The following CNTN5 variants were observed in gnomAD, a reference collection of about 807,000 sequenced individuals.
The protein encoded by CNTN5 is contactin 5, also known as contactin-5.
CNTN5 carries 77 observed loss-of-function variants against 129.1 expected under a neutral mutation model. The ratio of observed to expected loss-of-function variants is 0.60; its 90% confidence interval spans 0.50 to 0.72. CNTN5 has a LOEUF of 0.72. CNTN5 is among the 30% of genes least tolerant of loss of function. The pLI, the probability that CNTN5 is intolerant of heterozygous loss-of-function variation, is 0.00. For synonymous variants in CNTN5, 509 were observed against 465.6 expected, an observed-to-expected ratio of 1.09 and a Z score of -1.20; for missense variants, 1,478 against 1,328.8, an observed-to-expected ratio of 1.11 and a Z score of -1.75.
At chr11:99,520,559 G>C (rs1482121246) in intron 2 of CNTN5, among the ~76,000 whole-genome samples, 1 of 152,082 alleles carries the variant, frequency 6.6e-6, no homozygotes, top group Non-Finnish European at 1.5e-5. Flanking sequence ...AAACCTTTCA[G>C]AGTATCTTGT....
At chr11:100,348,150 A>C (rs1377927762) in intron 23 of CNTN5, among the ~76,000 whole-genome samples, 1 of 152,002 alleles carries the variant, frequency 6.6e-6, no homozygotes, top group East Asian at 1.9e-4. Context: ...CAATCTATAA[A>C]TGTCCATATT....
intron 3 of CNTN5, among the ~76,000 whole-genome samples, chr11:99,648,782 T>C (rs1952055109): frequency 6.6e-6 from 1 of 151,808 alleles, no homozygotes; most frequent in African/African-American, 2.4e-5. Context: ...TAGAGGATAT[T>C]ATGCTAAGTA....
rs550407987 is a variant in CNTN5 at position 99,091,573 on chromosome 11, G to T, written c.-210+70303G>T. 5.3e-5 allele frequency among the ~76,000 whole-genome samples: 8 copies of T among 152,316 alleles called. No individual in the cohort carries two copies. In the South Asian group the frequency reaches 1.7e-3, roughly 32 times the overall value. On this transcript the variant is annotated intron_variant, in intron 1 of 24. Transcript: ENST00000524871. ...TGGGAGGAGCTGGAATCATAGTGAG[G>T]CTGCTTTGTGAGAGCTGAGCCCACC...
intron 6 of CNTN5, among the ~76,000 whole-genome samples, chr11:99,902,758 C>T (rs1250066406): frequency 6.6e-6 from 1 of 151,976 alleles, no homozygotes; most frequent in Non-Finnish European, 1.5e-5. Flanking sequence ...AAACTGAATC[C>T]TTCCTTAAAC....
chr11:100,039,902 C>T (rs1341609376), intron 9 of CNTN5, among the ~76,000 whole-genome samples: 5 of 152,104 alleles, frequency 3.3e-5, no homozygotes, highest in Non-Finnish European at 7.4e-5. Flanking sequence ...AACTTCTTTG[C>T]CATTGGTTCG....
At chr11:100,241,669 A>T (rs899295754) in intron 16 of CNTN5, among the ~76,000 whole-genome samples, 1 of 152,198 alleles carries the variant, frequency 6.6e-6, no homozygotes, top group Admixed American at 6.5e-5. Context: ...ATCAGGATCA[A>T]TGTCATTAAA....
At chr11:99,789,806 ATGCGCAGGTTTGTTACATGGTTATAT>A (rs1334814611) in intron 3 of CNTN5, among the ~76,000 whole-genome samples, 1 of 151,958 alleles carries the variant, frequency 6.6e-6, no homozygotes. Flanking sequence ...CATGGGATAT[ATGCGCAGGTTTGTTACATGGTTATAT>A]TGCGTGATGC....
chr11:99,222,684 A>G (rs1035183909), intron 1 of CNTN5, among the ~76,000 whole-genome samples: 2 of 152,092 alleles, frequency 1.3e-5, no homozygotes, highest in African/African-American at 4.8e-5. Flanking sequence ...TATGGCCCAC[A>G]TTTCTGGATT....
At chr11:100,309,943 G>A (rs1230499876) in intron 21 of CNTN5, among the ~76,000 whole-genome samples, 1 of 151,856 alleles carries the variant, frequency 6.6e-6, no homozygotes, top group South Asian at 2.1e-4. Flanking sequence ...ACTGATACTT[G>A]TCTCTTACCT....
intron 6 of CNTN5, among the ~76,000 whole-genome samples, chr11:99,890,744 G>A (rs1308002680): frequency 2.0e-5 from 3 of 152,124 alleles, no homozygotes; most frequent in Non-Finnish European, 4.4e-5. Context: ...CAAAGAATCA[G>A]CACGGAAAAA....
At chr11:99,125,177 A>G (rs1239536249) in intron 1 of CNTN5, among the ~76,000 whole-genome samples, 2 of 152,028 alleles carry the variant, frequency 1.3e-5, no homozygotes, top group African/African-American at 2.4e-5. Context: ...AAAATTTAAG[A>G]CCAGTATTCT....
intron 4 of CNTN5, among the ~76,000 whole-genome samples, chr11:99,839,955 T>C (rs1019624191): frequency 2.0e-5 from 3 of 151,780 alleles, no homozygotes; most frequent in African/African-American, 7.3e-5. Flanking sequence ...AAAAAGAAAG[T>C]CATAAGACTG....
intron 2 of CNTN5, among the ~76,000 whole-genome samples, chr11:99,338,953 A>ATATATATATATATATATATATATCTGTTT (rs1866380216): frequency 9.1e-6 from 1 of 109,396 alleles, no homozygotes; most frequent in Admixed American, 9.6e-5. Flanking sequence ...TATATCTGTG[A>ATATATATATATATATATATATATCTGTTT]TATATATGTG....
intron 1 of CNTN5, among the ~76,000 whole-genome samples, chr11:99,100,124 T>C (rs1442108027): frequency 6.6e-6 from 1 of 152,184 alleles, no homozygotes; most frequent in Non-Finnish European, 1.5e-5. Context: ...CAATCAACGC[T>C]TCTTTAGGAC....
At chr11:99,956,367 A>G (rs1950802407) in intron 7 of CNTN5, among the ~76,000 whole-genome samples, 1 of 152,166 alleles carries the variant, frequency 6.6e-6, no homozygotes, top group South Asian at 2.1e-4. Flanking sequence ...TTCTTTGATA[A>G]GTTTAATTGC....
At chr11:99,931,510 A>G (rs1950192123) in intron 7 of CNTN5, among the ~76,000 whole-genome samples, 1 of 152,196 alleles carries the variant, frequency 6.6e-6, no homozygotes, top group Non-Finnish European at 1.5e-5. Flanking sequence ...GTTTAATTGG[A>G]TTTGACCACA....
chr11:99,957,965 A>G (rs1047564375), intron 8 of CNTN5, among the ~76,000 whole-genome samples: 1 of 151,852 alleles, frequency 6.6e-6, no homozygotes, highest in Non-Finnish European at 1.5e-5. Context: ...TGAAGTATGT[A>G]TTATATATAC....
intron 3 of CNTN5, among the ~76,000 whole-genome samples, chr11:99,744,213 T>G (rs1943973419): frequency 6.6e-6 from 1 of 152,068 alleles, no homozygotes; most frequent in Non-Finnish European, 1.5e-5. Context: ...TTCAGTTCTA[T>G]TGCAAATATC....
At chr11:99,535,797 T>G (rs1947878458) in intron 2 of CNTN5, among the ~76,000 whole-genome samples, 1 of 152,200 alleles carries the variant, frequency 6.6e-6, no homozygotes, top group Non-Finnish European at 1.5e-5. Flanking sequence ...GTTCAGTTTT[T>G]TTTGGTAAAA....
Sources: gnomAD v4.1 joint callset for allele counts (sites outside exome capture counted in the v4.1 genomes callset) on GRCh38, gnomAD v4.1.1 for gene constraint, MANE v1.5 for transcripts, NCBI Gene and HGNC (gene_info 2026-07-23, HGNC 2026-07-21) for gene names.